The following RUFY2 variants were observed in gnomAD, a reference collection of about 807,000 sequenced individuals.
RUFY2 encodes the protein RUN and FYVE domain containing 2.
Under a neutral mutation model 94.4 loss-of-function variants are expected in RUFY2, and 49 were observed. The ratio of observed to expected loss-of-function variants is 0.52; its 90% CI spans 0.41 to 0.66. RUFY2 has a LOEUF of 0.66. Among genes scored for constraint, RUFY2 ranks in the 30% least tolerant of loss-of-function variants. The pLI is 0.00. For synonymous variants in RUFY2, 255 were observed against 235.7 expected (o/e 1.08, Z -0.75); for missense variants, 541 against 692.8 (o/e 0.78, Z 2.46).
At chr10:68,351,396 A>T (rs1249321663) in intron 16 of RUFY2, among the ~76,000 whole-genome samples, 1 of 150,628 alleles carries the variant, frequency 6.6e-6, no homozygotes, top group African/African-American at 2.4e-5. Flanking sequence ...TTGGCCTCCC[A>T]AAGTGCTGGG....
intron 3 of RUFY2, among the ~76,000 whole-genome samples, chr10:68,400,023 G>A (rs58320732): frequency 0.069 from 10,444 of 151,624 alleles, 535 homozygotes; most frequent in African/African-American, 0.14. Flanking sequence ...CAGGTGATCC[G>A]CCCACCTCGG....
At chr10:68,350,043 TCTGTCGC>T (rs1305372063) in intron 16 of RUFY2, among the ~76,000 whole-genome samples, 1 of 152,058 alleles carries the variant, frequency 6.6e-6, no homozygotes, top group East Asian at 1.9e-4. Flanking sequence ...GGAGTCTCGC[TCTGTCGC>T]CCAGGCTGGA....
At chr10:68,381,923 CTTT>C (rs1283644533) in intron 10 of RUFY2, among the ~76,000 whole-genome samples, 1 of 152,176 alleles carries the variant, frequency 6.6e-6, no homozygotes, top group Non-Finnish European at 1.5e-5. Flanking sequence ...AATCATTACT[CTTT>C]AACGGTCCAA....
rs1157771020 is a variant in RUFY2 at position 68,384,142 on chromosome 10, G to A, written c.731C>T (p.Ala244Val). 6.2e-7 allele frequency: 1 copy of A among 1,605,992 alleles called. No individual in the cohort carries two copies. Among genetic ancestry groups the A allele is most frequent in the African/African-American group, 1.3e-5 (1 of 74,474 alleles). ...NTKLIEELAI[A>V]KNNIIKLQEE... Reference sequence around the variant, plus strand: ...CTGGAGTTTAATGATGTTATTCTTTGCTATTGCTAACTAAAAATTAAGAAA... The same window carrying A: ...CTGGAGTTTAATGATGTTATTCTTTACTATTGCTAACTAAAAATTAAGAAA... Residue 244 changes from alanine to valine, a missense_variant, in exon 9 of 18, where the codon GCA becomes GTA. Coordinates refer to ENST00000602465, the MANE Select transcript of RUFY2 (RefSeq NM_001330103.2).
intron 10 of RUFY2, among the ~76,000 whole-genome samples, chr10:68,383,503 C>T (rs10998102): frequency 0.06 from 9,147 of 151,866 alleles, 373 homozygotes; most frequent in African/African-American, 0.11. Flanking sequence ...CCTTGTACTC[C>T]CAATTACTTG....
chr10:68,400,505 T>C (rs527552574), intron 3 of RUFY2, among the ~76,000 whole-genome samples: 1 of 146,718 alleles, frequency 6.8e-6, no homozygotes, highest in East Asian at 2.1e-4. Context: ...TGAAACCCCG[T>C]CTCTACTAAA....
chr10:68,341,143 G>A (rs770170474), downstream of RUFY2: 14 of 1,449,744 alleles, frequency 9.7e-6, no homozygotes, highest in African/African-American at 1.9e-4. Context: ...ATTCTCAATA[G>A]AAAAGTAAAT....
intron 3 of RUFY2, among the ~76,000 whole-genome samples, chr10:68,397,581 T>C (rs1054303773): frequency 6.7e-6 from 1 of 149,848 alleles, no homozygotes; most frequent in Non-Finnish European, 1.5e-5. Context: ...AAAAAATAAA[T>C]TAATTAAATT....
rs748900261 is a variant in RUFY2, at chr10:68,358,192, AAAAC to A, written c.1551-2795_1551-2792del. ...AACAGAGCGAGACTCTTATCTCCAA[AAAAC>A]AAACAAACAAACAAACAACAACAAA... On this transcript the variant is annotated intron_variant, in intron 15 of 17. Coordinates refer to ENST00000602465, the MANE Select transcript of RUFY2 (RefSeq NM_001330103.2). 4.8e-4 allele frequency among the ~76,000 whole-genome samples: 73 copies of A among 152,276 alleles called. No homozygotes were observed. The South Asian group carries it at 5.2e-3, about 11-fold the overall frequency.
intron 8 of RUFY2, among the ~76,000 whole-genome samples, chr10:68,384,424 A>G (rs2049325142): frequency 6.6e-6 from 1 of 152,244 alleles, no homozygotes; most frequent in Admixed American, 6.5e-5. Flanking sequence ...CTTATAATAA[A>G]CATATTATGT....
At chr10:68,382,308 C>T (rs1411862457) in intron 10 of RUFY2, among the ~76,000 whole-genome samples, 4 of 151,658 alleles carry the variant, frequency 2.6e-5, no homozygotes, top group Non-Finnish European at 5.9e-5. Flanking sequence ...CACCAGCCTC[C>T]GCCTCCCAAA....
At chr10:68,393,862 T>TC (rs1442077375) in intron 6 of RUFY2, 10 of 1,041,470 alleles carry the variant, frequency 9.6e-6, no homozygotes, top group Non-Finnish European at 1.3e-5. Context: ...TAACCAAAGG[T>TC]CCCACTTCAT....
At chr10:68,347,330 G>A (rs1434089280) in intron 16 of RUFY2, among the ~76,000 whole-genome samples, 1 of 135,862 alleles carries the variant, frequency 7.4e-6, no homozygotes, top group African/African-American at 2.7e-5. Context: ...TGTCGCCCAG[G>A]CTGTAGTGCA....
intron 15 of RUFY2, among the ~76,000 whole-genome samples, chr10:68,356,525 AAT>A: frequency 6.6e-6 from 1 of 151,788 alleles, no homozygotes; most frequent in Non-Finnish European, 1.5e-5. Context: ...CAAAAAAGAA[AAT>A]ACTGTGGAAG....
At chr10:68,347,068 A>G (rs1277867235) in intron 16 of RUFY2, among the ~76,000 whole-genome samples, 1 of 151,988 alleles carries the variant, frequency 6.6e-6, no homozygotes, top group Non-Finnish European at 1.5e-5. Context: ...GCAGTGAACT[A>G]TGACTCAGGC....
In RUFY2 at chr10:68,386,064, C is replaced by T; in HGVS notation, c.715G>A (p.Glu239Lys). Reference protein sequence around the residue: ...SLEKSNTKLIEELAIAKNNII... With the variant: ...SLEKSNTKLIKELAIAKNNII... ...ATTTATCCATTAGACAATACCTCTT[C>T]AATCAGCTTAGTATTTGACTTTTCT... The change falls in exon 8 of 18, where the codon GAA becomes AAA. Residue 239 changes from glutamate to lysine, a missense_variant. Physicochemically the swap from Glu to Lys is moderately conservative, Grantham distance 56. Around this residue, in one of 3 missense-constraint regions of RUFY2, gnomAD observed 403 missense variants for 480.7 expected, o/e 0.84. Coordinates refer to ENST00000602465, the MANE Select transcript of RUFY2 (RefSeq NM_001330103.2). 2 of 1,602,916 alleles carry T rather than the reference C, an allele frequency of 1.2e-6. No homozygotes were observed. The highest frequency in any genetic ancestry group is 1.7e-6 in the Non-Finnish European group (2 of 1,171,606).
In RUFY2 at chr10:68,363,579, A is replaced by G; in HGVS notation, c.1550+11T>C. Reference sequence around the variant, plus strand: ...ATAATGACTACTTAGTTGAAGGAAAAAAGAAATTACTCGCTAAGCTTGTTG... The same window carrying G: ...ATAATGACTACTTAGTTGAAGGAAAGAAGAAATTACTCGCTAAGCTTGTTG... On this transcript the variant is annotated intron_variant, in intron 15 of 17. Coordinates refer to ENST00000602465, the MANE Select transcript of RUFY2 (RefSeq NM_001330103.2). 6.4e-7 allele frequency: 1 copy of G among 1,568,290 alleles called. No homozygotes were observed. Among genetic ancestry groups the G allele is most frequent in the Non-Finnish European group, 8.6e-7 (1 of 1,156,590 alleles).
chr10:68,353,454 G>C (rs2046836079), intron 16 of RUFY2, among the ~76,000 whole-genome samples: 1 of 151,818 alleles, frequency 6.6e-6, no homozygotes, highest in Non-Finnish European at 1.5e-5. Context: ...CCGAGATCAT[G>C]CCATTGCACT....
intron 13 of RUFY2, among the ~76,000 whole-genome samples, chr10:68,371,189 C>T (rs974318725): frequency 2.1e-4 from 31 of 149,674 alleles, no homozygotes; most frequent in African/African-American, 7.1e-4. Flanking sequence ...CCCATCACTT[C>T]GGGAGGCCGT....
Sources: allele counts gnomAD v4.1 joint callset (sites outside exome capture counted in the v4.1 genomes callset), GRCh38; gene constraint gnomAD v4.1.1; regional missense constraint gnomAD v4.1.1; transcripts MANE v1.5; gene names NCBI Gene and HGNC (gene_info 2026-07-23, HGNC 2026-07-21).